The following DIP2C variants were observed in gnomAD, a reference collection of about 807,000 sequenced individuals.
The protein encoded by DIP2C is disco-interacting protein 2 homolog C.
DIP2C carries 33 observed loss-of-function variants against 192.4 expected under a neutral mutation model. That is an observed-to-expected ratio of 0.17 (90% CI 0.13 to 0.23). DIP2C has a LOEUF of 0.23. Among genes scored for constraint, DIP2C ranks in the 10% least tolerant of loss-of-function variants. DIP2C has a pLI of 1.00. For missense variants in DIP2C, 1,537 were observed against 2,110.1 expected (o/e 0.73, Z 5.32); for synonymous variants, 979 against 864.1 (o/e 1.13, Z -2.33).
chr10:418,847 A>G (rs1404189995), intron 6 of DIP2C, among the ~76,000 whole-genome samples: 3 of 152,262 alleles, frequency 2.0e-5, no homozygotes, highest in Admixed American at 6.5e-5. Context: ...TACAACATTT[A>G]CATTTTTCCT....
intron 1 of DIP2C, among the ~76,000 whole-genome samples, chr10:571,568 C>T (rs1849816296): frequency 6.6e-6 from 1 of 152,140 alleles, no homozygotes; most frequent in South Asian, 2.1e-4. Context: ...CCTCACTGCA[C>T]TTCCCCATCC....
intron 14 of DIP2C, among the ~76,000 whole-genome samples, chr10:386,215 G>A (rs1435740078): frequency 6.6e-6 from 1 of 152,206 alleles, no homozygotes; most frequent in East Asian, 1.9e-4. Flanking sequence ...TGAATCACAT[G>A]CGTCAAACGT....
chr10:591,980 G>A (rs987470215), intron 1 of DIP2C, among the ~76,000 whole-genome samples: 10 of 152,154 alleles, frequency 6.6e-5, no homozygotes, highest in Admixed American at 1.3e-4. Flanking sequence ...AGTCTAAGTC[G>A]CCAGAAAACC....
Position 362,636 on chromosome 10 carries a change from T to C in DIP2C, c.2648A>G (p.Asn883Ser), listed in dbSNP as rs747885640. The change falls in exon 22 of 37, where the codon AAC becomes AGC. Residue 883 changes from asparagine (N) to serine (S), a missense_variant. By Grantham distance (46) the Asn-to-Ser change is conservative. Coordinates refer to ENST00000280886, the MANE Select transcript of DIP2C (RefSeq NM_014974.3). ...ACCAAGCGGGGTTTTGGGGAGGGTG[T>C]TTGCTGGCACCAAGGCCAGGCAATA... ...GVYCLALVPA[N>S]TLPKTPLGGI... The C allele has an allele frequency of 1.2e-6, 2 of 1,614,048 alleles. No homozygotes were observed. The highest frequency in any genetic ancestry group is 1.7e-5 in the Admixed American group (1 of 60,010).
At chr10:343,737 G>C (rs1485352155) in intron 28 of DIP2C, among the ~76,000 whole-genome samples, 1 of 152,200 alleles carries the variant, frequency 6.6e-6, no homozygotes, top group Non-Finnish European at 1.5e-5. Flanking sequence ...GAGCAAGCCT[G>C]CCCTGAACTG....
intron 1 of DIP2C, among the ~76,000 whole-genome samples, chr10:570,635 G>A (rs1039084748): frequency 6.6e-6 from 1 of 152,124 alleles, no homozygotes; most frequent in African/African-American, 2.4e-5. Context: ...AGTCACACAG[G>A]TCTGCACCTA....
intron 1 of DIP2C, among the ~76,000 whole-genome samples, chr10:676,303 A>G (rs1005668207): frequency 1.3e-5 from 2 of 152,204 alleles, no homozygotes; most frequent in Non-Finnish European, 2.9e-5. Context: ...CACAGCTAAC[A>G]TAATACTGAA....
At chr10:621,736 G>A (rs1031428337) in intron 1 of DIP2C, among the ~76,000 whole-genome samples, 1 of 152,188 alleles carries the variant, frequency 6.6e-6, no homozygotes, top group Non-Finnish European at 1.5e-5. Flanking sequence ...GAGCTGTGAT[G>A]AGCATGAACA....
chr10:292,349 G>C (rs1025582786), intron 32 of DIP2C, among the ~76,000 whole-genome samples: 15 of 152,240 alleles, frequency 9.9e-5, no homozygotes, highest in Non-Finnish European at 1.5e-4. Flanking sequence ...CCTGGCCTCT[G>C]TCTCACCCCT....
chr10:656,094 CTA>C (rs1405695513), intron 1 of DIP2C, among the ~76,000 whole-genome samples: 2 of 145,306 alleles, frequency 1.4e-5, no homozygotes, highest in Non-Finnish European at 3.0e-5. Context: ...TTCATCTATT[CTA>C]TGCTACCCTA....
intron 17 of DIP2C, among the ~76,000 whole-genome samples, chr10:379,454 G>GTA (rs1962120262): frequency 6.6e-6 from 1 of 152,250 alleles, no homozygotes; most frequent in Admixed American, 6.5e-5. Flanking sequence ...CCAGTGGGCT[G>GTA]TGGGCATCCC....
At chr10:563,242 G>A (rs1011408231) in intron 1 of DIP2C, among the ~76,000 whole-genome samples, 2 of 152,186 alleles carry the variant, frequency 1.3e-5, no homozygotes, top group African/African-American at 4.8e-5. Context: ...TTTAAGGCTT[G>A]GGGCTGCCAT....
chr10:440,430 C>T (rs1967635811), intron 4 of DIP2C, among the ~76,000 whole-genome samples: 1 of 152,072 alleles, frequency 6.6e-6, no homozygotes, highest in Non-Finnish European at 1.5e-5. Flanking sequence ...AGTTTATGAC[C>T]CGTGATTTGG....
intron 1 of DIP2C, among the ~76,000 whole-genome samples, chr10:604,482 AAAAAAGCAACC>A (rs1852325849): frequency 6.6e-6 from 1 of 152,234 alleles, no homozygotes; most frequent in African/African-American, 2.4e-5. Context: ...TAAGACTTTC[AAAAAAGCAACC>A]AGAAAGTAAG....
chr10:581,870 G>C (rs1247429776), intron 1 of DIP2C, among the ~76,000 whole-genome samples: 1 of 152,126 alleles, frequency 6.6e-6, no homozygotes, highest in Non-Finnish European at 1.5e-5. Context: ...GCACATGTTA[G>C]GCCAGCTGTC....
chr10:279,539 G>A (rs565150320), intron 36 of DIP2C, among the ~76,000 whole-genome samples: 2 of 152,362 alleles, frequency 1.3e-5, no homozygotes, highest in East Asian at 1.9e-4. Context: ...GATGAGAAAT[G>A]AGAAAGTTTG....
chr10:670,534 G>A, intron 1 of DIP2C, among the ~76,000 whole-genome samples: 1 of 152,210 alleles, frequency 6.6e-6, no homozygotes, highest in Non-Finnish European at 1.5e-5. Flanking sequence ...GGGGACGGCT[G>A]CACATCACAT....
chr10:452,629 A>G (rs1436846399), intron 3 of DIP2C, among the ~76,000 whole-genome samples: 1 of 152,216 alleles, frequency 6.6e-6, no homozygotes, highest in Non-Finnish European at 1.5e-5. Flanking sequence ...CGTGACACCT[A>G]GAGGGAAGCG....
intron 1 of DIP2C, among the ~76,000 whole-genome samples, chr10:591,792 CTCCT>C (rs1167934333): frequency 6.6e-6 from 1 of 152,052 alleles, no homozygotes; most frequent in Non-Finnish European, 1.5e-5. Context: ...ACACCCTCCT[CTCCT>C]TCCTTTTCAG....
Sources: allele counts gnomAD v4.1 joint callset (sites outside exome capture counted in the v4.1 genomes callset), GRCh38; gene constraint gnomAD v4.1.1; transcripts MANE v1.5; gene names NCBI Gene and HGNC (gene_info 2026-07-23, HGNC 2026-07-21).